FTO: variants seen among roughly 807,000 people sequenced by gnomAD.
FTO encodes the protein alpha-ketoglutarate-dependent dioxygenase FTO.
A neutral mutation model predicts 63.9 loss-of-function variants in FTO; 47 were observed. The ratio of observed to expected loss-of-function variants is 0.74; its 90% CI spans 0.58 to 0.94. The LOEUF (loss-of-function observed/expected upper bound fraction) is 0.94. Among genes scored for constraint, FTO ranks in the 40% least tolerant of loss-of-function variants. The pLI, the probability that FTO is intolerant of heterozygous loss-of-function variation, is 0.00. For synonymous variants in FTO, 207 were observed against 224.4 expected, an observed-to-expected ratio of 0.92 and a Z score of 0.69; for missense variants, 562 against 618.1, an observed-to-expected ratio of 0.91 and a Z score of 0.96.
At chr16:53,803,305 G>C (rs2078273531) in intron 1 of FTO, among the ~76,000 whole-genome samples, 1 of 152,176 alleles carries the variant, frequency 6.6e-6, no homozygotes, top group Non-Finnish European at 1.5e-5. Flanking sequence ...AAGTCCTTCT[G>C]AGTGTTCTTC....
At chr16:54,065,541 T>C (rs1368559815) in intron 8 of FTO, among the ~76,000 whole-genome samples, 1 of 152,154 alleles carries the variant, frequency 6.6e-6, no homozygotes, top group Non-Finnish European at 1.5e-5. Context: ...CATCAGATAC[T>C]AGCATTTGTC....
At chr16:54,085,165 A>G (rs918032) in intron 8 of FTO, among the ~76,000 whole-genome samples, 81,331 of 152,040 alleles carry the variant, frequency 0.53, 21,938 homozygotes, top group Middle Eastern at 0.59. Flanking sequence ...GACTATAAGT[A>G]TGGGCAGAGT....
intron 8 of FTO, among the ~76,000 whole-genome samples, chr16:53,941,439 A>G (rs1324301477): frequency 6.6e-6 from 1 of 152,202 alleles, no homozygotes; most frequent in East Asian, 1.9e-4. Flanking sequence ...TTAAAAAATG[A>G]AGTAACCTGA....
intron 8 of FTO, among the ~76,000 whole-genome samples, chr16:53,966,415 G>A (rs1269244508): frequency 6.6e-6 from 1 of 152,116 alleles, no homozygotes; most frequent in Non-Finnish European, 1.5e-5. Flanking sequence ...TGAATAAATG[G>A]CATCCCCACA....
chr16:53,925,583 T>G (rs2082119771), intron 7 of FTO, among the ~76,000 whole-genome samples: 1 of 152,120 alleles, frequency 6.6e-6, no homozygotes. Flanking sequence ...AGAGATTAAG[T>G]CTGAGTTTTG....
chr16:53,735,382 T>G (rs1010479558), intron 1 of FTO, among the ~76,000 whole-genome samples: 2 of 152,148 alleles, frequency 1.3e-5, no homozygotes, highest in Non-Finnish European at 2.9e-5. Flanking sequence ...GATTAGGAAG[T>G]AGTTTCAGTA....
At chr16:53,716,442 C>T (rs2075897324) in intron 1 of FTO, among the ~76,000 whole-genome samples, 2 of 152,220 alleles carry the variant, frequency 1.3e-5, no homozygotes, top group East Asian at 1.9e-4. Context: ...TCCTTTAGCT[C>T]TATTTACTGG....
intron 7 of FTO, among the ~76,000 whole-genome samples, chr16:53,925,050 T>A (rs1381460199): frequency 6.6e-6 from 1 of 151,254 alleles, no homozygotes; most frequent in Non-Finnish European, 1.5e-5. Flanking sequence ...TTCTTTTTTT[T>A]CTTTCTTTCT....
At chr16:53,972,106 C>T (rs1173781120) in intron 8 of FTO, among the ~76,000 whole-genome samples, 2 of 152,014 alleles carry the variant, frequency 1.3e-5, no homozygotes, top group Non-Finnish European at 2.9e-5. Context: ...TTGGCACTGC[C>T]CTTTGCTTAA....
intron 1 of FTO, among the ~76,000 whole-genome samples, chr16:53,708,950 C>T (rs1311867545): frequency 6.6e-6 from 1 of 152,142 alleles, no homozygotes; most frequent in African/African-American, 2.4e-5. Context: ...GTGTTGCAAA[C>T]ATTATCTTCC....
chr16:53,791,893 GA>G (rs2077924252), intron 1 of FTO, among the ~76,000 whole-genome samples: 1 of 151,886 alleles, frequency 6.6e-6, no homozygotes. Context: ...CTAACACGGT[GA>G]AAACCCCGTC....
chr16:53,729,873 T>G (rs2151508870), intron 1 of FTO, among the ~76,000 whole-genome samples: 1 of 152,292 alleles, frequency 6.6e-6, no homozygotes, highest in Non-Finnish European at 1.5e-5. Flanking sequence ...TTGTGTACAC[T>G]TCCTTAGCTT....
chr16:54,082,355 C>T (rs756414657), intron 8 of FTO, among the ~76,000 whole-genome samples: 1 of 152,120 alleles, frequency 6.6e-6, no homozygotes, highest in South Asian at 2.1e-4. Context: ...ACATTCCCAC[C>T]AATACCAAAG....
intron 8 of FTO, chr16:54,013,353 GTGT>G (rs1159328307): frequency 1.4e-5 from 1 of 70,410 alleles, no homozygotes; most frequent in Non-Finnish European, 2.7e-5. Context: ...GATCAGCAAA[GTGT>G]TTTTTTTTTT....
At chr16:53,719,155 C>T (rs545517177) in intron 1 of FTO, among the ~76,000 whole-genome samples, 2 of 152,198 alleles carry the variant, frequency 1.3e-5, no homozygotes, top group South Asian at 4.1e-4. Context: ...CAGAGTTTTC[C>T]TCCTCCCTGT....
At chr16:53,726,488 TC>T (rs1275336633) in intron 1 of FTO, among the ~76,000 whole-genome samples, 2 of 152,236 alleles carry the variant, frequency 1.3e-5, no homozygotes, top group African/African-American at 4.8e-5. Flanking sequence ...TGAGGCTACC[TC>T]TGTGTCTAAA....
Position 53,873,850 on chromosome 16 carries a change from C to T in FTO, c.960C>T (p.Thr320=). The T allele has an allele frequency of 6.2e-7, 1 of 1,612,026 alleles. No individual in the cohort carries two copies. Among genetic ancestry groups the T allele is most frequent in the Non-Finnish European group, 8.5e-7 (1 of 1,178,334 alleles). The change falls in exon 5 of 9, where the codon ACC becomes ACT. Residue 320 remains threonine, a synonymous_variant. Coordinates refer to ENST00000471389, the MANE Select transcript of FTO (RefSeq NM_001080432.3). ...LAGSQPRFSS[T]HRVAECSTGT... ...GTTCACAACCTCGGTTTAGTTCCACCCACCGAGTGGCAGAGGTAAGTGTAA... is the reference window on the plus strand; with the variant it reads ...GTTCACAACCTCGGTTTAGTTCCACTCACCGAGTGGCAGAGGTAAGTGTAA...
chr16:53,882,425 C>T (rs1345257466), intron 6 of FTO, among the ~76,000 whole-genome samples: 2 of 151,314 alleles, frequency 1.3e-5, no homozygotes, highest in Non-Finnish European at 2.9e-5. Context: ...AACTAGAGAG[C>T]CTCCCTGTTG....
At chr16:53,704,149 G>A, upstream of FTO, 3 of 1,550,280 alleles carry the variant, frequency 1.9e-6, no homozygotes, top group Non-Finnish European at 2.6e-6. Flanking sequence ...AGGGATCTAC[G>A]CAGCTTGCGG....
Sources: allele counts gnomAD v4.1 joint callset (sites outside exome capture counted in the v4.1 genomes callset), GRCh38; gene constraint gnomAD v4.1.1; transcripts MANE v1.5; gene names NCBI Gene and HGNC (gene_info 2026-07-23, HGNC 2026-07-21).